Variants in CADPS2 observed in about 807,000 individuals in gnomAD.
CADPS2 encodes the protein calcium-dependent secretion activator 2.
CADPS2 carries 93 observed loss-of-function variants against 172.5 expected under a neutral mutation model. That is an observed-to-expected ratio of 0.54 (90% CI 0.46 to 0.64). The LOEUF (loss-of-function observed/expected upper bound fraction) is 0.64, where lower values mean the gene tolerates loss of function less well. CADPS2 is among the 30% of genes least tolerant of loss of function. CADPS2 has a pLI of 0.00. For synonymous variants in CADPS2, 546 were observed against 555.2 expected (o/e 0.98, Z 0.23); for missense variants, 1,420 against 1,565.9 (o/e 0.91, Z 1.57).
chr7:122,764,645 T>C lies in CADPS2; in HGVS notation c.340-27577A>G, dbSNP rs143151574. Among the ~76,000 whole-genome samples, 234 of 152,048 alleles carry C rather than the reference T, an allele frequency of 1.5e-3. 1 individual carries two copies. The highest frequency in any genetic ancestry group is 4.9e-3 in the African/African-American group (205 of 41,492). On this transcript the variant is annotated intron_variant, in intron 1 of 29. Transcript: ENST00000449022. ...GGAGAGGAAAGAGTGCTACTTTAGA[T>C]AGAATGGTGAAAAAGGGAAGAACTC...
chr7:122,485,373 A>G (rs2057700785), intron 11 of CADPS2, among the ~76,000 whole-genome samples: 2 of 152,238 alleles, frequency 1.3e-5, no homozygotes, highest in South Asian at 2.1e-4. Context: ...TCCAGTGAAC[A>G]CACAAATAAT....
chr7:122,662,047 T>C (rs2080609585), intron 3 of CADPS2, among the ~76,000 whole-genome samples: 1 of 152,192 alleles, frequency 6.6e-6, no homozygotes, highest in African/African-American at 2.4e-5. Context: ...TGATTTACTA[T>C]TAACTCTATT....
At chr7:122,766,015 A>C (rs1418155762) in intron 1 of CADPS2, among the ~76,000 whole-genome samples, 1 of 152,048 alleles carries the variant, frequency 6.6e-6, no homozygotes, top group Non-Finnish European at 1.5e-5. Context: ...GTGATTCTGG[A>C]GGTTGGGAAA....
chr7:122,597,726 T>C (rs1360169449), intron 6 of CADPS2, among the ~76,000 whole-genome samples: 1 of 152,130 alleles, frequency 6.6e-6, no homozygotes, highest in African/African-American at 2.4e-5. Flanking sequence ...TTACCTTCAA[T>C]TTCCCCTGTA....
At chr7:122,642,386 G>A (rs919856945) in intron 3 of CADPS2, among the ~76,000 whole-genome samples, 12 of 151,802 alleles carry the variant, frequency 7.9e-5, no homozygotes, top group Non-Finnish European at 1.8e-4. Context: ...CTCTCCTGTT[G>A]CATGGGAGCA....
chr7:122,600,750 TA>T (rs1365252559), intron 6 of CADPS2, among the ~76,000 whole-genome samples: 1 of 152,102 alleles, frequency 6.6e-6, no homozygotes, highest in African/African-American at 2.4e-5. Flanking sequence ...TCCTATTTAC[TA>T]AAAGTTTCGT....
In CADPS2 at chr7:122,645,461, A is replaced by G. The variant is rs371466744; in HGVS notation, c.787-16133T>C. On this transcript the variant is annotated intron_variant, in intron 3 of 29. Transcript: ENST00000449022. ...TATATATACACACACATATGTATAT[A>G]TGTGTATATATGTATATATATTTAG... 2.4e-3 allele frequency among the ~76,000 whole-genome samples: 165 copies of G among 69,014 alleles called. 3 individuals carry two copies. Among genetic ancestry groups the G allele is most frequent in the Middle Eastern group, 9.1e-3 (1 of 110 alleles). The allele number at this position is 69,014 out of a possible 152,430, so 45.3% of individuals were successfully genotyped here.
intron 14 of CADPS2, among the ~76,000 whole-genome samples, chr7:122,452,249 CA>C (rs1278686788): frequency 2.0e-5 from 3 of 152,116 alleles, no homozygotes; most frequent in Non-Finnish European, 4.4e-5. Context: ...AAATTTTGAA[CA>C]TATAAATCTT....
intron 1 of CADPS2, among the ~76,000 whole-genome samples, chr7:122,866,744 G>C (rs980895390): frequency 2.0e-5 from 3 of 152,142 alleles, no homozygotes; most frequent in African/African-American, 7.2e-5. Context: ...CCATGTAGTG[G>C]CACTGTCTAT....
chr7:122,819,109 T>C (rs1236740845), intron 1 of CADPS2, among the ~76,000 whole-genome samples: 1 of 152,064 alleles, frequency 6.6e-6, no homozygotes, highest in African/African-American at 2.4e-5. Flanking sequence ...CCCAGCCACA[T>C]CTCCAGCACA....
At chr7:122,602,218 T>G (rs1299048137) in intron 6 of CADPS2, among the ~76,000 whole-genome samples, 1 of 151,998 alleles carries the variant, frequency 6.6e-6, no homozygotes, top group African/African-American at 2.4e-5. Flanking sequence ...GTTTATTTTT[T>G]TCATATGGGA....
At chr7:122,497,205 T>C (rs1250870104) in intron 9 of CADPS2, among the ~76,000 whole-genome samples, 1 of 152,158 alleles carries the variant, frequency 6.6e-6, no homozygotes, top group Non-Finnish European at 1.5e-5. Flanking sequence ...GTCTCAATTA[T>C]TCTGTGTTAT....
intron 1 of CADPS2, among the ~76,000 whole-genome samples, chr7:122,826,600 T>C (rs185027911): frequency 6.7e-4 from 102 of 151,434 alleles, no homozygotes; most frequent in Non-Finnish European, 1.4e-3. Context: ...GAAAAGAACA[T>C]CTCAGCAAGG....
intron 2 of CADPS2, among the ~76,000 whole-genome samples, chr7:122,711,675 CAG>C (rs1222892420): frequency 9.9e-5 from 15 of 151,998 alleles, no homozygotes; most frequent in African/African-American, 2.4e-4. Flanking sequence ...TTTTTTTAGA[CAG>C]AGTCTCTCTC....
At chr7:122,872,733 C>A (rs1820104446) in intron 1 of CADPS2, among the ~76,000 whole-genome samples, 1 of 152,058 alleles carries the variant, frequency 6.6e-6, no homozygotes, top group African/African-American at 2.4e-5. Context: ...ATATGTTAAA[C>A]TAGTAAGAAT....
chr7:122,521,331 T>G (rs938391083), intron 8 of CADPS2, among the ~76,000 whole-genome samples: 1 of 152,062 alleles, frequency 6.6e-6, no homozygotes, highest in African/African-American at 2.4e-5. Context: ...ACCATTGCAT[T>G]TGAAGTGAAA....
intron 1 of CADPS2, among the ~76,000 whole-genome samples, chr7:122,814,730 C>G (rs1800884457): frequency 6.6e-6 from 1 of 152,022 alleles, no homozygotes; most frequent in African/African-American, 2.4e-5. Flanking sequence ...GATTTGCTAA[C>G]CCCTAATCTA....
intron 22 of CADPS2, among the ~76,000 whole-genome samples, chr7:122,391,964 T>C (rs1383964786): frequency 6.6e-6 from 1 of 152,136 alleles, no homozygotes; most frequent in African/African-American, 2.4e-5. Flanking sequence ...GTTTGGTTTC[T>C]TAGTTTCTTT....
chr7:122,865,505 CA>C (rs1461335892), intron 1 of CADPS2, among the ~76,000 whole-genome samples: 1 of 152,222 alleles, frequency 6.6e-6, no homozygotes, highest in Non-Finnish European at 1.5e-5. Context: ...CCTATTGCAG[CA>C]AAACTTACTT....
Sources: allele counts gnomAD v4.1 joint callset (sites outside exome capture counted in the v4.1 genomes callset), GRCh38; gene constraint gnomAD v4.1.1; transcripts MANE v1.5; gene names NCBI Gene and HGNC (gene_info 2026-07-23, HGNC 2026-07-21).